The following JMJD1C variants were observed in gnomAD, a reference collection of about 807,000 sequenced individuals.
JMJD1C encodes the protein jumonji domain-containing protein 1C.
A neutral mutation model predicts 245.3 loss-of-function variants in JMJD1C; 31 were observed. The observed-to-expected ratio is 0.13, with a 90% CI of 0.09 to 0.17. The LOEUF (loss-of-function observed/expected upper bound fraction) is 0.17. Among genes scored for constraint, JMJD1C ranks in the 10% least tolerant of loss-of-function variants. The pLI is 1.00. For synonymous variants in JMJD1C, 1,057 were observed against 1,017.4 expected (o/e 1.04, Z -0.74); for missense variants, 2,691 against 3,000.2 (o/e 0.90, Z 2.41).
intron 2 of JMJD1C, among the ~76,000 whole-genome samples, chr10:63,265,230 G>A (rs1855400560): frequency 6.6e-6 from 1 of 151,994 alleles, no homozygotes; most frequent in East Asian, 1.9e-4. Flanking sequence ...TGATCAGGAA[G>A]TATCTGGTCT....
intron 3 of JMJD1C, among the ~76,000 whole-genome samples, chr10:63,249,455 G>A (rs1852736575): frequency 6.6e-6 from 1 of 152,158 alleles, no homozygotes; most frequent in Non-Finnish European, 1.5e-5. Flanking sequence ...CAATTCAACA[G>A]AATAAATAAG....
chr10:63,361,630 C>T (rs748189625), intron 2 of JMJD1C, among the ~76,000 whole-genome samples: 14 of 145,500 alleles, frequency 9.6e-5, no homozygotes, highest in Non-Finnish European at 1.6e-4. Flanking sequence ...GTTAAGGACT[C>T]AGTAAGAATA....
intron 1 of JMJD1C, among the ~76,000 whole-genome samples, chr10:63,472,655 A>G (rs1953529392): frequency 1.3e-5 from 2 of 152,254 alleles, no homozygotes; most frequent in South Asian, 4.1e-4. Flanking sequence ...TTATATTCAC[A>G]AGTTTTAAAA....
intron 3 of JMJD1C, among the ~76,000 whole-genome samples, chr10:63,239,188 CG>C (rs1407499257): frequency 6.6e-6 from 1 of 152,064 alleles, no homozygotes; most frequent in African/African-American, 2.4e-5. Context: ...AAAATTCATA[CG>C]CAAGAATAGA....
In JMJD1C at chr10:63,177,908, C is replaced by G. The variant is rs776861842; in HGVS notation, c.7085-52G>C. ...TTGTCGGCAAAGAATACCAGAAAGC[C>G]AAGTCTCCTAAAGTTGATCTATCAG... On this transcript the variant is annotated intron_variant, in intron 22 of 25. Coordinates refer to ENST00000399262, the MANE Select transcript of JMJD1C (RefSeq NM_032776.3). 3.2e-6 allele frequency: 5 copies of G among 1,581,768 alleles called. No homozygotes were observed. In the South Asian group the frequency reaches 4.5e-5, roughly 14 times the overall value.
intron 1 of JMJD1C, among the ~76,000 whole-genome samples, chr10:63,448,409 G>A (rs918430418): frequency 5.9e-5 from 9 of 152,064 alleles, no homozygotes; most frequent in African/African-American, 1.9e-4. Context: ...CACCTGCCTC[G>A]GCCTCCCAAA....
intron 1 of JMJD1C, among the ~76,000 whole-genome samples, chr10:63,431,527 G>T (rs1315988280): frequency 6.6e-6 from 1 of 152,144 alleles, no homozygotes; most frequent in African/African-American, 2.4e-5. Flanking sequence ...ATTTTGCTAG[G>T]TGCAATAATG....
intron 2 of JMJD1C, among the ~76,000 whole-genome samples, chr10:63,305,373 AAAACAAAAAAC>A (rs1564760603): frequency 1.1e-5 from 1 of 87,048 alleles, no homozygotes. Flanking sequence ...CCTCAAAAAA[AAAACAAAAAAC>A]AAAAAAGGTT....
rs757100333 is a variant in JMJD1C, at chr10:63,208,846, C to A, written c.2868-45G>T. 5.5e-6 allele frequency: 8 copies of A among 1,451,610 alleles called. No homozygotes were observed. In the South Asian group the frequency reaches 8.2e-5, roughly 15 times the overall value. The allele number at this position is 1,451,610 out of a possible 1,614,324, so 89.9% of individuals were successfully genotyped here. ...ATATTTCTGTAACCACTTTTTCCTG[C>A]AAAATACAAAGACAGCTTCTATGCA... On this transcript the variant is annotated intron_variant, in intron 9 of 25. Transcript: ENST00000399262.
At chr10:63,448,628 T>A (rs1032645869) in intron 1 of JMJD1C, among the ~76,000 whole-genome samples, 1 of 152,206 alleles carries the variant, frequency 6.6e-6, no homozygotes, top group Non-Finnish European at 1.5e-5. Context: ...TCTCCAAATT[T>A]TAACCCTTGC....
intron 2 of JMJD1C, among the ~76,000 whole-genome samples, chr10:63,297,439 C>G (rs989936207): frequency 2.6e-5 from 4 of 152,190 alleles, no homozygotes; most frequent in Admixed American, 6.5e-5. Flanking sequence ...GCTGTTCTAT[C>G]ACTCCTCTCT....
At chr10:63,345,485 T>A (rs1943730648) in intron 2 of JMJD1C, among the ~76,000 whole-genome samples, 1 of 109,188 alleles carries the variant, frequency 9.2e-6, no homozygotes, top group Non-Finnish European at 1.9e-5. Context: ...TGAGACTTTG[T>A]CTCAAAAAAA....
At chr10:63,315,906 T>C (rs1027449983) in intron 2 of JMJD1C, among the ~76,000 whole-genome samples, 2 of 149,878 alleles carry the variant, frequency 1.3e-5, no homozygotes, top group African/African-American at 4.9e-5. Context: ...TGGTGGTTCA[T>C]GCCTGTAATA....
chr10:63,295,163 G>A (rs1459926518), intron 2 of JMJD1C, among the ~76,000 whole-genome samples: 2 of 152,044 alleles, frequency 1.3e-5, no homozygotes, highest in Non-Finnish European at 2.9e-5. Flanking sequence ...TCATGGCTCA[G>A]TCTCACTGCA....
Position 63,465,507 on chromosome 10 carries a change from A to T in JMJD1C, c.156T>A (p.Asn52Lys). ...CTGACTCTCTTACCGCCAGGTCCGGATTGCGGCTGTCCCTGTGTGACACGG... is the reference window on the plus strand; with the variant it reads ...CTGACTCTCTTACCGCCAGGTCCGGTTTGCGGCTGTCCCTGTGTGACACGG... The part of the protein sequence containing the change: ...IRAVSHRDSR[N>K]PDLAVYVEFD... Residue 52 changes from asparagine (N) to lysine (K), a missense_variant, in exon 1 of 26, where the codon AAT becomes AAA. Around this residue, in one of 9 missense-constraint regions of JMJD1C, gnomAD observed 135 missense variants for 115.5 expected, o/e 1.17. Transcript: ENST00000399262. 1 of 1,604,276 alleles carries T rather than the reference A, an allele frequency of 6.2e-7. No homozygotes were observed. The highest frequency in any genetic ancestry group is 8.5e-7 in the Non-Finnish European group (1 of 1,177,712).
chr10:63,248,533 A>G lies in JMJD1C; in HGVS notation c.447+16118T>C, dbSNP rs10740108. 4.7e-3 allele frequency among the ~76,000 whole-genome samples: 268 copies of G among 56,518 alleles called. 2 individuals carry two copies. In the South Asian group the frequency reaches 0.055, roughly 12 times the overall value. 37.1% of individuals were successfully genotyped at this position (56,518 alleles called of 152,430 possible). On this transcript the variant is annotated intron_variant, in intron 3 of 25. Transcript: ENST00000399262. ...GAGACCTCATCTCAATAGATAGATA[A>G]ATAAATAAATAAATAAATAAATAAA... is the stretch of plus-strand genomic sequence containing the variant.
intron 1 of JMJD1C, among the ~76,000 whole-genome samples, chr10:63,445,509 A>T (rs1951660107): frequency 1.3e-5 from 2 of 152,228 alleles, no homozygotes; most frequent in Admixed American, 1.3e-4. Context: ...AAAAAGGCCA[A>T]GTAAGAGGGT....
intron 3 of JMJD1C, among the ~76,000 whole-genome samples, chr10:63,259,860 G>A (rs184690580): frequency 3.3e-5 from 5 of 152,218 alleles, no homozygotes; most frequent in East Asian, 3.9e-4. Context: ...TAGAACTGTA[G>A]TATTAACAGT....
chr10:63,459,900 G>T (rs530615637), intron 1 of JMJD1C, among the ~76,000 whole-genome samples: 174 of 152,214 alleles, frequency 1.1e-3, no homozygotes, highest in Middle Eastern at 3.4e-3. Context: ...GAAAAAGTTT[G>T]GTCAGTCACA....
Sources: gnomAD v4.1 joint callset for allele counts (sites outside exome capture counted in the v4.1 genomes callset) on GRCh38, gnomAD v4.1.1 for gene constraint, gnomAD v4.1.1 regional missense constraint, MANE v1.5 for transcripts, NCBI Gene and HGNC (gene_info 2026-07-23, HGNC 2026-07-21) for gene names.